GON4L: variants seen among roughly 807,000 people sequenced by gnomAD.
GON4L encodes gon-4 like.
A neutral mutation model predicts 211.8 loss-of-function variants in GON4L; 87 were observed. The observed-to-expected ratio is 0.41, with a 90% confidence interval of 0.35 to 0.49. GON4L has a LOEUF of 0.49. GON4L is among the 20% of genes least tolerant of loss of function. The probability of loss-of-function intolerance (pLI) is 0.15; values close to 1 mark genes in which losing one functional copy is unlikely to be tolerated. For missense variants in GON4L, 2,155 were observed against 2,659.5 expected, an observed-to-expected ratio of 0.81 and a Z score of 4.17; for synonymous variants, 875 against 962.6, an observed-to-expected ratio of 0.91 and a Z score of 1.68.
intron 2 of GON4L, among the ~76,000 whole-genome samples, chr1:155,829,188 T>C (rs945758162): frequency 1.3e-5 from 2 of 152,198 alleles, no homozygotes; most frequent in African/African-American, 4.8e-5. Context: ...ATTTTACTTG[T>C]TCTTCTGAAT....
intron 11 of GON4L, among the ~76,000 whole-genome samples, chr1:155,795,745 TTGTCACACCTCA>T (rs1272356006): frequency 6.6e-6 from 1 of 152,178 alleles, no homozygotes; most frequent in Non-Finnish European, 1.5e-5. Context: ...GATCAGGCGA[TTGTCACACCTCA>T]GCCTCCCAAG....
chr1:155,805,410 T>C (rs1195920980), intron 10 of GON4L, among the ~76,000 whole-genome samples: 1 of 151,766 alleles, frequency 6.6e-6, no homozygotes, highest in Non-Finnish European at 1.5e-5. Context: ...AAGTGTATAA[T>C]TGAAAGGATT....
chr1:155,762,091 C>T, intron 23 of GON4L, 99 bp downstream of exon 23: 1 of 920,770 alleles, frequency 1.1e-6, no homozygotes, highest in Non-Finnish European at 1.7e-6. Context: ...AAGCCTGTTG[C>T]ATAGCCTGAA....
intron 3 of GON4L, among the ~76,000 whole-genome samples, chr1:155,826,120 A>G (rs1041290397): frequency 1.3e-5 from 2 of 152,154 alleles, no homozygotes; most frequent in African/African-American, 4.8e-5. Context: ...CTGAGACAAA[A>G]AGATCACTTT....
intron 12 of GON4L, among the ~76,000 whole-genome samples, chr1:155,790,111 T>A (rs1665372323): frequency 6.6e-6 from 1 of 151,884 alleles, no homozygotes; most frequent in Admixed American, 6.6e-5. Context: ...GATAATTTTT[T>A]TTTTTTGAGA....
At chr1:155,759,459 G>A (rs909482404) in intron 24 of GON4L, among the ~76,000 whole-genome samples, 2 of 151,876 alleles carry the variant, frequency 1.3e-5, no homozygotes, top group South Asian at 2.1e-4. Context: ...CTGTAATCCC[G>A]GCTACTCGGG....
chr1:155,772,488 CATGCCTGTA>C (rs549500357), intron 18 of GON4L, among the ~76,000 whole-genome samples: 176 of 151,348 alleles, frequency 1.2e-3, no homozygotes, highest in Non-Finnish European at 2.0e-3. Flanking sequence ...TGTGGTGGCT[CATGCCTGTA>C]ATCCCAGCAC....
At chr1:155,796,509 C>G (rs531057248) in intron 11 of GON4L, among the ~76,000 whole-genome samples, 2 of 152,144 alleles carry the variant, frequency 1.3e-5, no homozygotes, top group Non-Finnish European at 2.9e-5. Flanking sequence ...AACTCCTGAC[C>G]TCAGGTGATC....
chr1:155,769,806 C>T (rs1341033518), intron 19 of GON4L, among the ~76,000 whole-genome samples: 2 of 151,602 alleles, frequency 1.3e-5, no homozygotes, highest in African/African-American at 2.4e-5. Flanking sequence ...TAATTACTAG[C>T]GAGGAGATTG....
chr1:155,844,330 A>G (rs779879221), intron 2 of GON4L, among the ~76,000 whole-genome samples: 4 of 152,234 alleles, frequency 2.6e-5, no homozygotes, highest in Admixed American at 2.6e-4. Context: ...ACTGTTATCA[A>G]TAAGACCGAC....
At chr1:155,752,856 A>G (rs993413468) in intron 29 of GON4L, among the ~76,000 whole-genome samples, 2 of 152,106 alleles carry the variant, frequency 1.3e-5, no homozygotes, top group African/African-American at 4.8e-5. Flanking sequence ...GGGGGGCATA[A>G]TGTCACTTAT....
chr1:155,789,079 G>A (rs935017450), intron 12 of GON4L, among the ~76,000 whole-genome samples: 2 of 141,394 alleles, frequency 1.4e-5, no homozygotes, highest in East Asian at 2.7e-4. Flanking sequence ...GCGAGACTCC[G>A]TCTCGGAAAA....
intron 31 of GON4L, among the ~76,000 whole-genome samples, chr1:155,751,478 G>A (rs1249927328): frequency 1.3e-5 from 2 of 152,192 alleles, no homozygotes; most frequent in African/African-American, 4.8e-5. Flanking sequence ...GAACCTGGGA[G>A]GTGGAGGTTG....
intron 15 of GON4L, 33 bp downstream of exon 15, chr1:155,777,589 A>AG: frequency 4.5e-6 from 7 of 1,538,516 alleles, no homozygotes; most frequent in Non-Finnish European, 5.4e-6. Context: ...AAAAAAAAAA[A>AG]TCCAATGTTA....
chr1:155,763,008 C>G (rs1012568927), intron 22 of GON4L, among the ~76,000 whole-genome samples: 2 of 151,516 alleles, frequency 1.3e-5, no homozygotes, highest in Admixed American at 6.6e-5. Flanking sequence ...TGCACTCCAG[C>G]CTGGGCGACA....
intron 19 of GON4L, among the ~76,000 whole-genome samples, chr1:155,769,587 G>A (rs971335561): frequency 6.6e-6 from 1 of 152,038 alleles, no homozygotes; most frequent in Non-Finnish European, 1.5e-5. Context: ...GAAAATTTAA[G>A]TAACCTTTAC....
rs766492982 is a variant in GON4L at position 155,816,271 on chromosome 1, A to G, written c.1015-9T>C. On this transcript the variant is annotated splice_polypyrimidine_tract_variant and intron_variant, in intron 6 of 31. Transcript: ENST00000368331. ...TTCCATGTTGGAATTACCTACCAAC[A>G]AAGAATATAAATAATTAAGTTATCT... 4 of 1,176,918 alleles carry G rather than the reference A, an allele frequency of 3.4e-6. No homozygotes were observed. Among genetic ancestry groups the G allele is most frequent in the Non-Finnish European group, 5.1e-6 (4 of 784,546 alleles). The allele number at this position is 1,176,918 out of a possible 1,614,324, so 72.9% of individuals were successfully genotyped here.
chr1:155,783,319 G>T (rs1749420), intron 14 of GON4L, among the ~76,000 whole-genome samples: 142,496 of 152,226 alleles, frequency 0.94, 67,455 homozygotes, highest in East Asian at 1. Context: ...AACCCAGGAC[G>T]AATTACAGGG....
Position 155,765,524 on chromosome 1 carries a change from T to A in GON4L, c.3949A>T (p.Thr1317Ser), listed in dbSNP as rs770471651. ...QGIQESLNNP[T>S]PGDLEEIVKM... ...ACAATTTCCTCTAAATCCCCAGGGG[T>A]AGGGTTGTTTAGAGACTCCTGGATG... The change falls in exon 21 of 32, where the codon ACC (threonine) becomes TCC (serine). Residue 1317 changes from threonine (T) to serine (S), a missense_variant. By Grantham distance (58) the Thr-to-Ser change is moderately conservative. Around this residue, in one of 6 missense-constraint regions of GON4L, gnomAD observed 615 missense variants for 625.7 expected, o/e 0.98. Coordinates refer to ENST00000368331, the MANE Select transcript of GON4L (RefSeq NM_001282860.2). 1 of 1,613,976 alleles carries A rather than the reference T, an allele frequency of 6.2e-7. No homozygotes were observed. The highest frequency in any genetic ancestry group is 1.3e-5 in the African/African-American group (1 of 74,882).
Sources: allele counts gnomAD v4.1 joint callset (sites outside exome capture counted in the v4.1 genomes callset), GRCh38; gene constraint gnomAD v4.1.1; regional missense constraint gnomAD v4.1.1; transcripts MANE v1.5; gene names NCBI Gene and HGNC (gene_info 2026-07-23, HGNC 2026-07-21).